Variants in ATP8B4 observed in about 807,000 individuals in gnomAD.
ATP8B4 encodes the protein probable phospholipid-transporting ATPase IM.
In ATP8B4, 133 loss-of-function variants were observed where a neutral mutation model predicts 145.6. The observed-to-expected ratio is 0.91, with a 90% CI of 0.79 to 1.05. The LOEUF (loss-of-function observed/expected upper bound fraction) is 1.05, where lower values mean the gene tolerates loss of function less well. Among genes scored for constraint, ATP8B4 ranks in the 50% least tolerant of loss-of-function variants. ATP8B4 has a pLI of 0.00. For synonymous variants in ATP8B4, 507 were observed against 492.9 expected (o/e 1.03, Z -0.38); for missense variants, 1,458 against 1,425.2 (o/e 1.02, Z -0.37).
At chr15:49,976,254 AC>A (rs1192335109) in intron 12 of ATP8B4, among the ~76,000 whole-genome samples, 40 of 95,234 alleles carry the variant, frequency 4.2e-4, no homozygotes, top group African/African-American at 1.6e-3. Flanking sequence ...ATCCCACCCC[AC>A]CCCCACCCTC....
intron 1 of ATP8B4, among the ~76,000 whole-genome samples, chr15:50,132,448 A>T (rs1349154727): frequency 6.6e-6 from 1 of 152,234 alleles, no homozygotes; most frequent in Non-Finnish European, 1.5e-5. Context: ...ATCATTAAAA[A>T]GTCAGGAAAC....
chr15:50,073,019 T>TACACACACACACACAC (rs373934302), intron 3 of ATP8B4, among the ~76,000 whole-genome samples: 17 of 32,448 alleles, frequency 5.2e-4, no homozygotes, highest in African/African-American at 2.0e-3. Flanking sequence ...TATATATATA[T>TACACACACACACACAC]ACACACACAC....
At chr15:50,053,298 G>T (rs1458317128) in intron 3 of ATP8B4, among the ~76,000 whole-genome samples, 2 of 152,172 alleles carry the variant, frequency 1.3e-5, no homozygotes, top group Admixed American at 6.5e-5. Context: ...AGTGGTGATT[G>T]TAAGAGCCAG....
intron 14 of ATP8B4, among the ~76,000 whole-genome samples, chr15:49,951,635 A>T (rs2043113757): frequency 6.6e-6 from 1 of 152,064 alleles, no homozygotes; most frequent in Admixed American, 6.5e-5. Context: ...ATGGGTCTTG[A>T]TTCCCTATCC....
At chr15:50,077,648 G>A (rs1251504229) in intron 2 of ATP8B4, among the ~76,000 whole-genome samples, 3 of 152,066 alleles carry the variant, frequency 2.0e-5, no homozygotes, top group African/African-American at 7.3e-5. Context: ...TCTCAAAAGT[G>A]TCTCCATTTG....
At chr15:50,113,187 C>G (rs2057034206) in intron 1 of ATP8B4, 1 of 152,344 alleles carries the variant, frequency 6.6e-6, no homozygotes, top group Admixed American at 6.5e-5. Flanking sequence ...CCTGCCAACC[C>G]AAAATATTAC....
chr15:49,978,709 T>C (rs1206937584), intron 12 of ATP8B4, among the ~76,000 whole-genome samples: 1 of 148,288 alleles, frequency 6.7e-6, no homozygotes, highest in Non-Finnish European at 1.5e-5. Context: ...CAGGTACAGA[T>C]TCTAGGGCCA....
chr15:50,112,535 C>T (rs949831170), intron 1 of ATP8B4, among the ~76,000 whole-genome samples: 1 of 152,022 alleles, frequency 6.6e-6, no homozygotes, highest in African/African-American at 2.4e-5. Flanking sequence ...CTGTTCCGTT[C>T]GGCTTGCCTC....
chr15:50,043,188 A>C (rs1191353832), intron 5 of ATP8B4, among the ~76,000 whole-genome samples: 1 of 152,220 alleles, frequency 6.6e-6, no homozygotes, highest in African/African-American at 2.4e-5. Context: ...GGGCACATGC[A>C]ATCACTCAGG....
At chr15:49,949,303 T>C (rs1196756756) in intron 14 of ATP8B4, among the ~76,000 whole-genome samples, 1 of 152,248 alleles carries the variant, frequency 6.6e-6, no homozygotes, top group Non-Finnish European at 1.5e-5. Context: ...TCCATGAGCA[T>C]GGAATGTTTT....
At chr15:50,043,763 C>T (rs1196190574) in intron 5 of ATP8B4, among the ~76,000 whole-genome samples, 3 of 151,202 alleles carry the variant, frequency 2.0e-5, no homozygotes, top group African/African-American at 7.3e-5. Flanking sequence ...ACCATCCTGG[C>T]TAACAAGGTG....
Position 49,973,453 on chromosome 15 carries a change from T to C in ATP8B4, c.1035-663A>G, listed in dbSNP as rs75743687. Among the ~76,000 whole-genome samples the C allele has an allele frequency of 8.3e-4, 127 of 152,226 alleles. 1 individual carries two copies. In the East Asian group the frequency reaches 0.024, roughly 28 times the overall value. The stretch of plus-strand genomic sequence containing the variant: ...TAAAGAAATGTGCTATTGAGAACAT[T>C]CTCTCCAATACATTGTTTGATGTGG... On this transcript the variant is annotated intron_variant, in intron 12 of 27. Coordinates refer to ENST00000284509, the MANE Select transcript of ATP8B4 (RefSeq NM_024837.4).
intron 16 of ATP8B4, among the ~76,000 whole-genome samples, chr15:49,927,297 C>T (rs954594466): frequency 1.3e-5 from 2 of 151,880 alleles, no homozygotes; most frequent in African/African-American, 2.4e-5. Context: ...TAATGGCTGC[C>T]ACCCAAAAAC....
At chr15:50,167,697 T>C (rs1009869028) in intron 1 of ATP8B4, among the ~76,000 whole-genome samples, 2 of 152,194 alleles carry the variant, frequency 1.3e-5, no homozygotes, top group Non-Finnish European at 2.9e-5. Context: ...TCAGAAAATT[T>C]GGGTTATAGT....
At chr15:50,067,820 T>C (rs985554485) in intron 3 of ATP8B4, among the ~76,000 whole-genome samples, 6 of 152,184 alleles carry the variant, frequency 3.9e-5, no homozygotes, top group African/African-American at 1.4e-4. Context: ...TTGTTATCCC[T>C]TTGAGCTTTA....
At chr15:49,919,706 C>T (rs901358225) in intron 18 of ATP8B4, among the ~76,000 whole-genome samples, 2 of 152,112 alleles carry the variant, frequency 1.3e-5, no homozygotes, top group Admixed American at 6.6e-5. Context: ...TGTGAGCCAC[C>T]GCGCCCGGCC....
At chr15:49,943,281 A>C (rs2153479387) in intron 14 of ATP8B4, among the ~76,000 whole-genome samples, 1 of 152,278 alleles carries the variant, frequency 6.6e-6, no homozygotes, top group African/African-American at 2.4e-5. Flanking sequence ...GACAAGAGAG[A>C]TGGAAAGGAC....
At chr15:49,943,124 A>G (rs2042294623) in intron 14 of ATP8B4, among the ~76,000 whole-genome samples, 1 of 151,954 alleles carries the variant, frequency 6.6e-6, no homozygotes, top group Non-Finnish European at 1.5e-5. Flanking sequence ...ATCAAACAGG[A>G]AAAAAAATTC....
intron 23 of ATP8B4, 47 bp downstream of exon 23, chr15:49,897,245 C>CAA: frequency 6.8e-7 from 1 of 1,477,974 alleles, no homozygotes; most frequent in Admixed American, 1.8e-5. Context: ...TAATATCATA[C>CAA]AAAAACAAAC....
Sources: gnomAD v4.1 joint callset for allele counts (sites outside exome capture counted in the v4.1 genomes callset) on GRCh38, gnomAD v4.1.1 for gene constraint, MANE v1.5 for transcripts, NCBI Gene and HGNC (gene_info 2026-07-23, HGNC 2026-07-21) for gene names.